The following ROBO1 variants were observed in gnomAD, a reference collection of about 807,000 sequenced individuals.
ROBO1 encodes roundabout guidance receptor 1.
In ROBO1, 149 loss-of-function variants were observed where a neutral mutation model predicts 195.9. That is an observed-to-expected ratio of 0.76 (90% CI 0.67 to 0.87). The LOEUF is 0.87. ROBO1 is among the 40% of genes least tolerant of loss of function. The pLI is 0.00. For synonymous variants in ROBO1, 816 were observed against 733.2 expected, an observed-to-expected ratio of 1.11 and a Z score of -1.82; for missense variants, 1,933 against 2,068.3, an observed-to-expected ratio of 0.93 and a Z score of 1.27.
rs557931180 is a variant in ROBO1, at chr3:78,944,948, G to A, written c.173-6021C>T. Among the ~76,000 whole-genome samples the A allele has an allele frequency of 1.2e-4, 18 of 152,304 alleles. No homozygotes were observed. In the South Asian group the frequency reaches 2.5e-3, roughly 21 times the overall value. Reference sequence around the variant, plus strand: ...GCAGTCCCAGATCAAACTGCAAGGCGGCAGTGAGGCTTGGGGAGGGGTGCC... The same window carrying A: ...GCAGTCCCAGATCAAACTGCAAGGCAGCAGTGAGGCTTGGGGAGGGGTGCC... On this transcript the variant is annotated intron_variant, in intron 3 of 30. Transcript: ENST00000464233.
chr3:78,747,127 GGC>G (rs1417735275), intron 4 of ROBO1, among the ~76,000 whole-genome samples: 1 of 152,102 alleles, frequency 6.6e-6, no homozygotes, highest in Non-Finnish European at 1.5e-5. Flanking sequence ...GAGGCCAGCA[GGC>G]GCGTGTATTC....
At chr3:79,559,009 C>A (rs902737863) in intron 2 of ROBO1, among the ~76,000 whole-genome samples, 1 of 152,084 alleles carries the variant, frequency 6.6e-6, no homozygotes, top group East Asian at 1.9e-4. Flanking sequence ...ACAAACCTAA[C>A]GTAGTATGTA....
At position 79,464,130 on chromosome 3, in the gene ROBO1, C is replaced by A. The variant is rs895611379; in HGVS notation, c.88+125694G>T. Among the ~76,000 whole-genome samples the A allele has an allele frequency of 2.6e-5, 4 of 152,108 alleles. 1 individual carries two copies. The South Asian group carries it at 8.3e-4, about 32-fold the overall frequency. ...TCAGATCTTAATTCCCTTTAATTGG[C>A]CCAAAAATACAGTATACATATATAT... On this transcript the variant is annotated intron_variant, in intron 2 of 30. Coordinates refer to ENST00000464233, the MANE Select transcript of ROBO1 (RefSeq NM_002941.4).
At chr3:79,571,899 C>T (rs1262065290) in intron 2 of ROBO1, among the ~76,000 whole-genome samples, 2 of 151,752 alleles carry the variant, frequency 1.3e-5, no homozygotes, top group Admixed American at 6.6e-5. Context: ...CTCTTCTGGC[C>T]TTTTGTAATG....
chr3:79,540,637 G>A (rs1256489318), intron 2 of ROBO1, among the ~76,000 whole-genome samples: 1 of 152,016 alleles, frequency 6.6e-6, no homozygotes, highest in Non-Finnish European at 1.5e-5. Context: ...TAACGTCTGA[G>A]TTCTTCATTC....
At chr3:79,528,265 G>A (rs1941515955) in intron 2 of ROBO1, among the ~76,000 whole-genome samples, 1 of 152,118 alleles carries the variant, frequency 6.6e-6, no homozygotes, top group Non-Finnish European at 1.5e-5. Flanking sequence ...ATATTGACCT[G>A]ACATCTCTTG....
intron 2 of ROBO1, among the ~76,000 whole-genome samples, chr3:79,505,419 A>G (rs931415491): frequency 3.9e-5 from 6 of 152,220 alleles, no homozygotes; most frequent in African/African-American, 1.4e-4. Flanking sequence ...AACAAAGCAG[A>G]AGTCTAAAAC....
chr3:79,456,056 C>G (rs1043160648), intron 2 of ROBO1, among the ~76,000 whole-genome samples: 1 of 152,112 alleles, frequency 6.6e-6, no homozygotes, highest in Non-Finnish European at 1.5e-5. Context: ...TGTTCATGCT[C>G]AGGCATTACT....
chr3:79,334,684 G>T (rs1309058684), intron 2 of ROBO1, among the ~76,000 whole-genome samples: 2 of 151,770 alleles, frequency 1.3e-5, no homozygotes, highest in African/African-American at 4.8e-5. Context: ...TGTGGCATAT[G>T]TAATAGTTTC....
chr3:78,919,747 T>C (rs1054038661), intron 4 of ROBO1, among the ~76,000 whole-genome samples: 2 of 152,226 alleles, frequency 1.3e-5, no homozygotes, highest in African/African-American at 4.8e-5. Flanking sequence ...GTTAAAATTA[T>C]AGGCCTTAAT....
intron 2 of ROBO1, among the ~76,000 whole-genome samples, chr3:79,152,649 T>A (rs1434448376): frequency 6.6e-6 from 1 of 151,826 alleles, no homozygotes; most frequent in East Asian, 1.9e-4. Flanking sequence ...ACGAATAATA[T>A]GATCTTTAGC....
intron 2 of ROBO1, among the ~76,000 whole-genome samples, chr3:79,480,682 T>C (rs901396515): frequency 5.3e-5 from 8 of 152,146 alleles, no homozygotes; most frequent in Admixed American, 5.2e-4. Flanking sequence ...CTCAATGTCA[T>C]TTTCAAAACT....
chr3:79,742,693 A>G (rs1270943173), intron 1 of ROBO1, among the ~76,000 whole-genome samples: 1 of 152,168 alleles, frequency 6.6e-6, no homozygotes, highest in Non-Finnish European at 1.5e-5. Flanking sequence ...CTTTATAGCC[A>G]TGTGAGAATA....
At chr3:79,285,311 C>G (rs1263608683) in intron 2 of ROBO1, among the ~76,000 whole-genome samples, 1 of 152,168 alleles carries the variant, frequency 6.6e-6, no homozygotes. Flanking sequence ...AGCAAACCAA[C>G]CTCTGCAATG....
chr3:79,170,954 G>A (rs1363637740), intron 2 of ROBO1, among the ~76,000 whole-genome samples: 6 of 151,630 alleles, frequency 4.0e-5, no homozygotes, highest in South Asian at 2.1e-4. Context: ...AAAATATCAC[G>A]TAGCCATGTG....
chr3:79,625,740 G>A (rs186557844), intron 1 of ROBO1, among the ~76,000 whole-genome samples: 1 of 151,996 alleles, frequency 6.6e-6, no homozygotes, highest in Non-Finnish European at 1.5e-5. Context: ...AAAAAAAGAC[G>A]AGGACCAGAT....
chr3:78,730,236 T>A (rs899728786), intron 5 of ROBO1, among the ~76,000 whole-genome samples: 1 of 152,222 alleles, frequency 6.6e-6, no homozygotes, highest in African/African-American at 2.4e-5. Flanking sequence ...CTTAGCTCTA[T>A]AGTTTGGTCC....
chr3:78,976,513 G>A (rs986632378), intron 3 of ROBO1, among the ~76,000 whole-genome samples: 1 of 152,136 alleles, frequency 6.6e-6, no homozygotes, highest in South Asian at 2.1e-4. Flanking sequence ...TTCGGACAGA[G>A]CTTCTGGCTT....
rs545087356 is a variant in ROBO1, at chr3:79,523,866, A to G, written c.88+65958T>C. 2.0e-5 allele frequency among the ~76,000 whole-genome samples: 3 copies of G among 152,312 alleles called. No individual in the cohort carries two copies. In the South Asian group the frequency reaches 6.2e-4, roughly 32 times the overall value. On this transcript the variant is annotated intron_variant, in intron 2 of 30. Transcript: ENST00000464233. The stretch of plus-strand genomic sequence containing the variant: ...ATTTTGTGCAAACAGAAAATTATTC[A>G]GTATTGTTTCAGAATTATGTAGTAG...
Sources: allele counts gnomAD v4.1 joint callset (sites outside exome capture counted in the v4.1 genomes callset), GRCh38; gene constraint gnomAD v4.1.1; transcripts MANE v1.5; gene names NCBI Gene and HGNC (gene_info 2026-07-23, HGNC 2026-07-21).